Variants in IPMK observed in about 807,000 individuals in gnomAD.
The protein encoded by IPMK is inositol 1,3,4,6-tetrakisphosphate 5-kinase.
In IPMK, 17 loss-of-function variants were observed where a neutral mutation model predicts 45.8. That is an observed-to-expected ratio of 0.37 (90% CI 0.25 to 0.56). IPMK has a LOEUF of 0.56. Among genes scored for constraint, IPMK ranks in the 20% least tolerant of loss-of-function variants. The probability of loss-of-function intolerance (pLI) is 0.79; values close to 1 mark genes in which losing one functional copy is unlikely to be tolerated. For synonymous variants in IPMK, 180 were observed against 184.3 expected (o/e 0.98, Z 0.19); for missense variants, 399 against 498.0 (o/e 0.80, Z 1.89).
intron 1 of IPMK, among the ~76,000 whole-genome samples, chr10:58,238,717 G>A (rs1838652262): frequency 1.3e-5 from 2 of 152,156 alleles, no homozygotes; most frequent in Admixed American, 1.3e-4. Context: ...TCTCACACAT[G>A]AGCATGAAAA....
rs1839176423 is a variant in IPMK, at chr10:58,267,762, G to A, written c.-151C>T. On this transcript the variant is annotated 5_prime_UTR_variant, in exon 1 of 6. Coordinates refer to ENST00000373935, the MANE Select transcript of IPMK (RefSeq NM_152230.5). ...GTGCCCTCTGAAGCGCGGGGAGGGGGCCCATGACGCCGCCGGGGCGCGGGC... is the reference window on the plus strand; with the variant it reads ...GTGCCCTCTGAAGCGCGGGGAGGGGACCCATGACGCCGCCGGGGCGCGGGC... 2 of 568,658 alleles carry A rather than the reference G, an allele frequency of 3.5e-6. No individual in the cohort carries two copies. The highest frequency in any genetic ancestry group is 6.2e-6 in the Non-Finnish European group (2 of 321,802). The allele number at this position is 568,658 out of a possible 1,614,324, so 35.2% of individuals were successfully genotyped here.
intron 2 of IPMK, among the ~76,000 whole-genome samples, chr10:58,230,178 A>G (rs971642519): frequency 1.3e-5 from 2 of 152,256 alleles, no homozygotes; most frequent in Non-Finnish European, 2.9e-5. Flanking sequence ...AGCCCACTGC[A>G]GCTCAACAAG....
chr10:58,224,888 A>T (rs967582000), intron 3 of IPMK, among the ~76,000 whole-genome samples: 1 of 152,218 alleles, frequency 6.6e-6, no homozygotes, highest in Non-Finnish European at 1.5e-5. Flanking sequence ...ACATGTACAT[A>T]AGTTTGCTGT....
At chr10:58,239,447 C>T (rs1838664276) in intron 1 of IPMK, among the ~76,000 whole-genome samples, 1 of 152,068 alleles carries the variant, frequency 6.6e-6, no homozygotes, top group Non-Finnish European at 1.5e-5. Flanking sequence ...AGCAGAGAAC[C>T]ATGACAGCTT....
At chr10:58,209,516 G>A (rs180886200) in intron 4 of IPMK, among the ~76,000 whole-genome samples, 5 of 152,186 alleles carry the variant, frequency 3.3e-5, no homozygotes, top group African/African-American at 1.2e-4. Context: ...GATCGTTATT[G>A]TTCTTCTGGG....
chr10:58,207,392 C>T (rs1838086772), intron 4 of IPMK, among the ~76,000 whole-genome samples: 1 of 152,238 alleles, frequency 6.6e-6, no homozygotes, highest in East Asian at 1.9e-4. Flanking sequence ...GTGTCTTTTT[C>T]ATATAACAAC....
intron 1 of IPMK, 105 bp downstream of exon 1, chr10:58,267,317 C>T: frequency 8.8e-7 from 1 of 1,141,644 alleles, no homozygotes; most frequent in Non-Finnish European, 1.3e-6. Context: ...GGCGTGCACA[C>T]CAGGGGGGCG....
chr10:58,266,205 G>GTT (rs1564543508), intron 1 of IPMK, among the ~76,000 whole-genome samples: 2 of 73,422 alleles, frequency 2.7e-5, no homozygotes, highest in Admixed American at 2.2e-4. Context: ...ACAAGGCTAT[G>GTT]AGAGAATACA....
chr10:58,262,228 G>T (rs1215151236), intron 1 of IPMK, among the ~76,000 whole-genome samples: 2 of 152,194 alleles, frequency 1.3e-5, no homozygotes, highest in East Asian at 3.9e-4. Context: ...ATGTACCCCA[G>T]AACTTAAAGT....
At chr10:58,247,564 C>T (rs1838820555) in intron 1 of IPMK, among the ~76,000 whole-genome samples, 1 of 151,900 alleles carries the variant, frequency 6.6e-6, no homozygotes, top group Non-Finnish European at 1.5e-5. Flanking sequence ...AACAAAAAAC[C>T]AAACACCACA....
intron 1 of IPMK, among the ~76,000 whole-genome samples, chr10:58,258,229 G>C (rs2132265677): frequency 6.6e-6 from 1 of 152,280 alleles, no homozygotes; most frequent in Non-Finnish European, 1.5e-5. Context: ...AGAATTGCTT[G>C]AACCCAGGAG....
At chr10:58,238,837 G>C (rs913416470) in intron 1 of IPMK, among the ~76,000 whole-genome samples, 2 of 148,904 alleles carry the variant, frequency 1.3e-5, no homozygotes, top group Non-Finnish European at 3.0e-5. Flanking sequence ...CAGAAATCAA[G>C]TTTGTTTTTT....
chr10:58,228,522 T>C (rs1838455973), intron 2 of IPMK, among the ~76,000 whole-genome samples: 3 of 152,220 alleles, frequency 2.0e-5, no homozygotes, highest in African/African-American at 4.8e-5. Flanking sequence ...CCTAAAAACC[T>C]TTCTTTTTTG....
In IPMK at chr10:58,193,185, AATG is replaced by A. The variant is rs1295892746; in HGVS notation, c.*2888_*2890del. On this transcript the variant is annotated 3_prime_UTR_variant, in exon 6 of 6. Transcript: ENST00000373935. The stretch of plus-strand genomic sequence containing the variant: ...TATCTGTGGAAATTCCTTTTTCTTA[AATG>A]ATGTTATAAATTTGATACATAGACT... The A allele has an allele frequency of 2.0e-5, 3 of 151,960 alleles. No individual in the cohort carries two copies. Among genetic ancestry groups the A allele is most frequent in the Admixed American group, 1.3e-4 (2 of 15,266 alleles). The allele number at this position is 151,960 out of a possible 1,614,324, so 9.4% of individuals were successfully genotyped here.
chr10:58,194,548 T>C lies in IPMK; in HGVS notation c.*1528A>G, dbSNP rs1161710638. On this transcript the variant is annotated 3_prime_UTR_variant, in exon 6 of 6. Transcript: ENST00000373935. ...TAGAGCATTTAGTTGGTACTTCTGT[T>C]TGGACTCAGGTATTTGCAAAGTGCC... 6.6e-6 allele frequency: 1 copy of C among 151,900 alleles called. No individual in the cohort carries two copies. The highest frequency in any genetic ancestry group is 1.5e-5 in the Non-Finnish European group (1 of 67,784). 9.4% of individuals were successfully genotyped at this position (151,900 alleles called of 1,614,324 possible).
rs1338508138 is a variant in IPMK, at chr10:58,192,178, T to C, written c.*3898A>G. The C allele has an allele frequency of 7.9e-5, 12 of 151,960 alleles. No individual in the cohort carries two copies. Among genetic ancestry groups the C allele is most frequent in the Admixed American group, 3.9e-4 (6 of 15,266 alleles). The allele number at this position is 151,960 out of a possible 1,614,324, so 9.4% of individuals were successfully genotyped here. ...AATTAATGCATTTTCAAAGTAATAA[T>C]ATAATCAATCTGTAAGTCAAAAGTA... is the stretch of plus-strand genomic sequence containing the variant. On this transcript the variant is annotated 3_prime_UTR_variant, in exon 6 of 6. Transcript: ENST00000373935.
intron 2 of IPMK, among the ~76,000 whole-genome samples, chr10:58,229,191 C>T (rs1163816537): frequency 4.6e-5 from 7 of 152,098 alleles, no homozygotes; most frequent in Non-Finnish European, 7.3e-5. Context: ...AAAAGGGACT[C>T]TCAACTGATA....
intron 1 of IPMK, among the ~76,000 whole-genome samples, chr10:58,246,566 T>G (rs1460596898): frequency 7.5e-6 from 1 of 132,752 alleles, no homozygotes; most frequent in Non-Finnish European, 1.5e-5. Context: ...GGATTCCCTA[T>G]TGAATAAATG....
Position 58,267,832 on chromosome 10 carries a change from T to G in IPMK, c.-221A>C. The G allele has an allele frequency of 8.6e-5, 40 of 466,718 alleles. No homozygotes were observed. The highest frequency in any genetic ancestry group is 1.2e-4 in the East Asian group (3 of 25,570). 28.9% of individuals were successfully genotyped at this position (466,718 alleles called of 1,614,324 possible). A position where few individuals can be genotyped will look rare whatever the true frequency, so the allele number is the denominator to read the frequency against. ...GGCGGAACGCGGCTCCCGGCTCCTG[T>G]TCCTCTGCCGCCGCAGCCGCCGGCC... On this transcript the variant is annotated 5_prime_UTR_variant, in exon 1 of 6. Coordinates refer to ENST00000373935, the MANE Select transcript of IPMK (RefSeq NM_152230.5).
Sources: allele counts gnomAD v4.1 joint callset (sites outside exome capture counted in the v4.1 genomes callset), GRCh38; gene constraint gnomAD v4.1.1; transcripts MANE v1.5; gene names NCBI Gene and HGNC (gene_info 2026-07-23, HGNC 2026-07-21).